The following AGBL4 variants were observed in gnomAD, a reference collection of about 807,000 sequenced individuals.
AGBL4 encodes AGBL carboxypeptidase 4, also known as cytosolic carboxypeptidase 6.
Under a neutral mutation model 66.4 loss-of-function variants are expected in AGBL4, and 58 were observed. The ratio of observed to expected loss-of-function variants is 0.87; its 90% CI spans 0.71 to 1.09. The LOEUF (loss-of-function observed/expected upper bound fraction) is 1.09. Ranked by LOEUF, AGBL4 falls within the 50% of genes least tolerant of loss-of-function variation. The probability of loss-of-function intolerance (pLI) is 0.00; values close to 1 mark genes in which losing one functional copy is unlikely to be tolerated. For missense variants in AGBL4, 579 were observed against 631.0 expected (o/e 0.92, Z 0.88); for synonymous variants, 234 against 222.9 (o/e 1.05, Z -0.44).
chr1:49,688,153 A>G (rs1646820785), intron 3 of AGBL4, among the ~76,000 whole-genome samples: 1 of 152,174 alleles, frequency 6.6e-6, no homozygotes, highest in South Asian at 2.1e-4. Context: ...AGCAAATACT[A>G]GGTCTTATTC....
intron 4 of AGBL4, among the ~76,000 whole-genome samples, chr1:49,156,430 G>A (rs1378752206): frequency 1.3e-5 from 2 of 152,158 alleles, no homozygotes; most frequent in African/African-American, 4.8e-5. Context: ...ATCTCTCACA[G>A]TGTCTGAGAA....
intron 3 of AGBL4, among the ~76,000 whole-genome samples, chr1:49,462,460 A>G (rs1384156655): frequency 2.0e-5 from 3 of 151,726 alleles, no homozygotes; most frequent in Non-Finnish European, 4.4e-5. Context: ...AAGATGAACC[A>G]TCAGTGACTA....
intron 3 of AGBL4, among the ~76,000 whole-genome samples, chr1:49,534,171 CAAAAAA>C (rs71059553): frequency 8.9e-5 from 6 of 67,062 alleles, no homozygotes; most frequent in Admixed American, 2.3e-4. Context: ...CACCATTTTA[CAAAAAA>C]AAAAAAAAAA....
chr1:49,183,281 T>C (rs1646960311), intron 4 of AGBL4, among the ~76,000 whole-genome samples: 1 of 152,324 alleles, frequency 6.6e-6, no homozygotes, highest in South Asian at 2.1e-4. Flanking sequence ...ACTTTTAATT[T>C]TGCACTAATC....
chr1:49,602,779 C>G (rs2124173629), intron 3 of AGBL4, among the ~76,000 whole-genome samples: 1 of 151,676 alleles, frequency 6.6e-6, no homozygotes, highest in East Asian at 1.9e-4. Context: ...ACCTATGTAA[C>G]AAACCTCCAC....
chr1:49,745,018 C>T (rs143425813), intron 2 of AGBL4, among the ~76,000 whole-genome samples: 6 of 151,986 alleles, frequency 3.9e-5, no homozygotes, highest in Admixed American at 2.6e-4. Flanking sequence ...ATAAGATATA[C>T]AGAACACAAA....
At chr1:49,996,572 G>A (rs1306088968) in intron 1 of AGBL4, among the ~76,000 whole-genome samples, 1 of 152,114 alleles carries the variant, frequency 6.6e-6, no homozygotes, top group Non-Finnish European at 1.5e-5. Flanking sequence ...TATGGTAAAT[G>A]AACAAGCCTA....
chr1:49,444,507 T>C (rs774221729), intron 3 of AGBL4, among the ~76,000 whole-genome samples: 9 of 152,078 alleles, frequency 5.9e-5, no homozygotes, highest in Non-Finnish European at 1.2e-4. Flanking sequence ...CTGGATTGAT[T>C]CCTTTATCAT....
At chr1:48,680,526 C>T (rs908890309) in intron 6 of AGBL4, among the ~76,000 whole-genome samples, 4 of 152,184 alleles carry the variant, frequency 2.6e-5, no homozygotes, top group East Asian at 1.9e-4. Flanking sequence ...AATCACTCCC[C>T]GACCCTGTCC....
At chr1:48,868,606 T>C (rs76473599) in intron 5 of AGBL4, among the ~76,000 whole-genome samples, 5,971 of 152,268 alleles carry the variant, frequency 0.039, 393 homozygotes, top group African/African-American at 0.14. Flanking sequence ...TAAAAGGTTC[T>C]CAATAAAAAG....
chr1:48,875,894 T>A (rs1423534779), intron 5 of AGBL4, among the ~76,000 whole-genome samples: 2 of 152,112 alleles, frequency 1.3e-5, no homozygotes, highest in African/African-American at 4.8e-5. Flanking sequence ...CCCATACTGA[T>A]TGCCTCTGAA....
At chr1:49,912,369 G>C (rs923200816) in intron 1 of AGBL4, among the ~76,000 whole-genome samples, 1 of 152,188 alleles carries the variant, frequency 6.6e-6, no homozygotes, top group Non-Finnish European at 1.5e-5. Context: ...GTAAGAAAAA[G>C]TATCTGGACA....
At chr1:49,149,510 A>T (rs1441105906) in intron 4 of AGBL4, among the ~76,000 whole-genome samples, 1 of 152,204 alleles carries the variant, frequency 6.6e-6, no homozygotes, top group Non-Finnish European at 1.5e-5. Flanking sequence ...AGGGACTACA[A>T]CCTAAAGCTA....
At chr1:49,774,639 T>G (rs1644151220) in intron 2 of AGBL4, among the ~76,000 whole-genome samples, 1 of 152,228 alleles carries the variant, frequency 6.6e-6, no homozygotes, top group African/African-American at 2.4e-5. Context: ...ATATCTTTTC[T>G]TCTCTCATTT....
At chr1:48,758,188 C>G (rs564333490) in intron 6 of AGBL4, among the ~76,000 whole-genome samples, 20 of 152,348 alleles carry the variant, frequency 1.3e-4, no homozygotes, top group African/African-American at 4.6e-4. Context: ...TTCCTAAGGT[C>G]ATGTGCCTCC....
chr1:48,776,877 G>A, intron 6 of AGBL4: 2 of 1,367,024 alleles, frequency 1.5e-6, no homozygotes, highest in Non-Finnish European at 1.9e-6. Flanking sequence ...CAGCCCGCGG[G>A]GCGGGCGCGG....
chr1:49,373,041 G>T (rs563005654), intron 3 of AGBL4, among the ~76,000 whole-genome samples: 19 of 152,266 alleles, frequency 1.2e-4, no homozygotes, highest in South Asian at 4.1e-4. Flanking sequence ...TTATAGGCGT[G>T]AGCCACTGTG....
intron 1 of AGBL4, among the ~76,000 whole-genome samples, chr1:49,875,128 CTTTTTT>C (rs200582254): frequency 7.1e-6 from 1 of 141,350 alleles, no homozygotes; most frequent in Admixed American, 7.3e-5. Context: ...TTTCCAATTT[CTTTTTT>C]TTTATTATTA....
chr1:49,317,371 G>A (rs1210537525), intron 3 of AGBL4, among the ~76,000 whole-genome samples: 14 of 151,846 alleles, frequency 9.2e-5, no homozygotes, highest in Non-Finnish European at 1.0e-4. Context: ...TGGAATAAGT[G>A]AGACAATGAA....
Sources: allele counts gnomAD v4.1 joint callset (sites outside exome capture counted in the v4.1 genomes callset), GRCh38; gene constraint gnomAD v4.1.1; transcripts MANE v1.5; gene names NCBI Gene and HGNC (gene_info 2026-07-23, HGNC 2026-07-21).